JAK1: variants seen among roughly 807,000 people sequenced by gnomAD.
JAK1 encodes the protein Janus kinase 1, also known as tyrosine-protein kinase JAK1.
In JAK1, 16 loss-of-function variants were observed where a neutral mutation model predicts 136.6. That is an observed-to-expected ratio of 0.12 (90% CI 0.08 to 0.18). The LOEUF is 0.18. Ranked by LOEUF, JAK1 falls within the 10% of genes least tolerant of loss-of-function variation. The pLI is 1.00. For synonymous variants in JAK1, 492 were observed against 519.5 expected (o/e 0.95, Z 0.72); for missense variants, 859 against 1,450.1 (o/e 0.59, Z 6.62).
chr1:64,854,358 C>T (rs1357708935), intron 11 of JAK1, among the ~76,000 whole-genome samples: 6 of 152,126 alleles, frequency 3.9e-5, no homozygotes, highest in Non-Finnish European at 1.5e-5. Flanking sequence ...TCGTGCTGCT[C>T]CTTCTTTGAG....
At chr1:64,917,489 G>A (rs529855665) in intron 1 of JAK1, among the ~76,000 whole-genome samples, 5 of 152,328 alleles carry the variant, frequency 3.3e-5, no homozygotes, top group Admixed American at 6.5e-5. Context: ...GCTGTGGCCA[G>A]CCTCAGAGGA....
intron 1 of JAK1, among the ~76,000 whole-genome samples, chr1:64,909,859 C>T (rs754466283): frequency 3.3e-5 from 5 of 151,982 alleles, no homozygotes; most frequent in African/African-American, 7.2e-5. Flanking sequence ...ATAAGACAGG[C>T]GCTTGCTCTT....
chr1:65,052,541 A>G (rs957293332), intron 1 of JAK1, among the ~76,000 whole-genome samples: 20 of 151,920 alleles, frequency 1.3e-4, no homozygotes, highest in African/African-American at 2.9e-4. Flanking sequence ...GGCTGGGCGC[A>G]GTGGCTCATG....
chr1:65,063,759 C>G (rs924162343), intron 1 of JAK1, among the ~76,000 whole-genome samples: 1 of 142,866 alleles, frequency 7.0e-6, no homozygotes, highest in Non-Finnish European at 1.5e-5. Flanking sequence ...GAGCCAAGAT[C>G]GCGTCACTGC....
intron 3 of JAK1, among the ~76,000 whole-genome samples, chr1:64,880,047 G>A (rs891073339): frequency 2.0e-5 from 3 of 152,170 alleles, no homozygotes; most frequent in Non-Finnish European, 4.4e-5. Context: ...AAACCTGGGA[G>A]AATATGAGGT....
At chr1:64,973,221 GGA>G in intron 2 of JAK1, 1 of 144,032 alleles carries the variant, frequency 6.9e-6, no homozygotes. Context: ...AAGAAAGAAA[GGA>G]AAAGAAAGAA....
At chr1:65,049,847 G>A (rs759764002) in intron 1 of JAK1, among the ~76,000 whole-genome samples, 3 of 152,156 alleles carry the variant, frequency 2.0e-5, no homozygotes, top group Non-Finnish European at 4.4e-5. Context: ...CTCTTTCTGG[G>A]ATAGTGGCTT....
chr1:64,951,588 C>T (rs187885766), intron 1 of JAK1, among the ~76,000 whole-genome samples: 13 of 150,866 alleles, frequency 8.6e-5, no homozygotes, highest in Admixed American at 6.6e-4. Context: ...TAAAGCATAC[C>T]AATGCAGGTA....
intron 1 of JAK1, among the ~76,000 whole-genome samples, chr1:64,953,319 C>A (rs1431744623): frequency 6.6e-6 from 1 of 151,720 alleles, no homozygotes; most frequent in Non-Finnish European, 1.5e-5. Flanking sequence ...CAGGTCTACA[C>A]AGTCCATTTA....
chr1:64,849,986 G>A (rs974500849), intron 12 of JAK1, among the ~76,000 whole-genome samples: 1 of 152,126 alleles, frequency 6.6e-6, no homozygotes, highest in African/African-American at 2.4e-5. Flanking sequence ...CACTGAAAAA[G>A]GTAAAGTAAC....
chr1:64,942,100 T>C (rs1040353425), intron 1 of JAK1: 4 of 152,232 alleles, frequency 2.6e-5, no homozygotes, highest in African/African-American at 9.6e-5. Context: ...AGATGATGTC[T>C]TATGAGAAAC....
At chr1:64,899,950 G>A (rs1645079438) in intron 1 of JAK1, among the ~76,000 whole-genome samples, 1 of 152,178 alleles carries the variant, frequency 6.6e-6, no homozygotes, top group Non-Finnish European at 1.5e-5. Context: ...TGGATGGGGA[G>A]GACATTACAA....
chr1:64,991,422 T>C (rs1227189237), intron 2 of JAK1: 1 of 152,284 alleles, frequency 6.6e-6, no homozygotes, highest in Non-Finnish European at 1.5e-5. Flanking sequence ...CTTCTGTGCA[T>C]GCACACTGTG....
chr1:64,904,309 G>A (rs921474547), intron 1 of JAK1, among the ~76,000 whole-genome samples: 2 of 152,132 alleles, frequency 1.3e-5, no homozygotes, highest in African/African-American at 4.8e-5. Flanking sequence ...AATTAAATTA[G>A]CATTCCCAAA....
chr1:64,948,233 G>A (rs993423831), intron 1 of JAK1, among the ~76,000 whole-genome samples: 2 of 152,172 alleles, frequency 1.3e-5, no homozygotes, highest in Admixed American at 6.5e-5. Flanking sequence ...GACTGCCTAG[G>A]TATACTGACT....
At position 64,834,418 on chromosome 1, in the gene JAK1, T is replaced by C. The variant is rs1392467549; in HGVS notation, c.*144A>G. 3.3e-6 allele frequency: 2 copies of C among 606,248 alleles called. No homozygotes were observed. Among genetic ancestry groups the C allele is most frequent in the East Asian group, 2.8e-5 (1 of 35,850 alleles). The allele number at this position is 606,248 out of a possible 1,614,324, so 37.6% of individuals were successfully genotyped here. The stretch of plus-strand genomic sequence containing the variant: ...TAAGCACTACAGTGTGCCTTATACA[T>C]GTATATGTACTGAAGTATGAGTTCA... On this transcript the variant is annotated 3_prime_UTR_variant, in exon 25 of 25. Transcript: ENST00000342505.
chr1:64,954,618 A>C (rs567682472), intron 1 of JAK1, among the ~76,000 whole-genome samples: 3 of 152,348 alleles, frequency 2.0e-5, no homozygotes, highest in Admixed American at 1.3e-4. Flanking sequence ...GGTTGGGGAA[A>C]CCAAAGGGCA....
chr1:65,034,874 G>A (rs1008174197), intron 2 of JAK1, among the ~76,000 whole-genome samples: 2 of 152,106 alleles, frequency 1.3e-5, no homozygotes, highest in Non-Finnish European at 2.9e-5. Flanking sequence ...GGCTAACATG[G>A]TGAAACCTTG....
At chr1:64,860,532 C>G (rs995596878) in intron 8 of JAK1, among the ~76,000 whole-genome samples, 3 of 151,366 alleles carry the variant, frequency 2.0e-5, no homozygotes, top group African/African-American at 7.3e-5. Flanking sequence ...CGGCTCACTG[C>G]AACCTCCGCC....
Sources: allele counts gnomAD v4.1 joint callset (sites outside exome capture counted in the v4.1 genomes callset), GRCh38; gene constraint gnomAD v4.1.1; transcripts MANE v1.5; gene names NCBI Gene and HGNC (gene_info 2026-07-23, HGNC 2026-07-21).